HIBADH: variants seen among roughly 807,000 people sequenced by gnomAD.
HIBADH encodes 3-hydroxyisobutyrate dehydrogenase.
A neutral mutation model predicts 36.1 loss-of-function variants in HIBADH; 25 were observed. That is an observed-to-expected ratio of 0.69 (90% confidence interval 0.50 to 0.97). The LOEUF (loss-of-function observed/expected upper bound fraction) is 0.97. Among genes scored for constraint, HIBADH ranks in the 50% least tolerant of loss-of-function variants. The pLI is 0.00. For synonymous variants in HIBADH, 160 were observed against 149.5 expected, an observed-to-expected ratio of 1.07 and a Z score of -0.51; for missense variants, 421 against 418.0, an observed-to-expected ratio of 1.01 and a Z score of -0.06.
At position 27,628,864 on chromosome 7, in the gene HIBADH, T is replaced by A. The variant is rs973195076; in HGVS notation, c.484+507A>T. Among the ~76,000 whole-genome samples the A allele has an allele frequency of 4.6e-5, 7 of 152,076 alleles. No homozygotes were observed. In the South Asian group the frequency reaches 1.4e-3, roughly 31 times the overall value. On this transcript the variant is annotated intron_variant, in intron 4 of 7. Coordinates refer to ENST00000265395, the MANE Select transcript of HIBADH (RefSeq NM_152740.4). Reference sequence around the variant, plus strand: ...GGTGTAAATATCAGAGTTATAAAGGTCTTACAGAATGAATTGGGAAGTATT... The same window carrying A: ...GGTGTAAATATCAGAGTTATAAAGGACTTACAGAATGAATTGGGAAGTATT...
At chr7:27,596,063 T>C (rs1785027765) in intron 4 of HIBADH, among the ~76,000 whole-genome samples, 2 of 152,180 alleles carry the variant, frequency 1.3e-5, no homozygotes, top group Admixed American at 1.3e-4. Flanking sequence ...ACAAAACATC[T>C]GACACTGGGT....
chr7:27,635,333 T>TA (rs1230983061), intron 2 of HIBADH, among the ~76,000 whole-genome samples: 1 of 152,118 alleles, frequency 6.6e-6, no homozygotes, highest in African/African-American at 2.4e-5. Context: ...CCAAACTAAT[T>TA]AGAGTCCTTC....
intron 1 of HIBADH, among the ~76,000 whole-genome samples, chr7:27,656,900 GTAA>G (rs1221153535): frequency 6.6e-6 from 1 of 152,206 alleles, no homozygotes. Context: ...AGTGGACTGT[GTAA>G]AGGTAAACAG....
At chr7:27,593,879 AT>A (rs1355827158) in intron 4 of HIBADH, among the ~76,000 whole-genome samples, 2 of 151,034 alleles carry the variant, frequency 1.3e-5, no homozygotes, top group Non-Finnish European at 3.0e-5. Context: ...ATCGATGGAA[AT>A]TTTTTTTTAA....
At chr7:27,587,505 T>C (rs530256228) in intron 4 of HIBADH, among the ~76,000 whole-genome samples, 1 of 152,180 alleles carries the variant, frequency 6.6e-6, no homozygotes, top group Non-Finnish European at 1.5e-5. Flanking sequence ...TACTTTTAAA[T>C]AAAAAGAAAA....
chr7:27,647,829 G>A (rs1786101196), intron 2 of HIBADH: 1 of 218,460 alleles, frequency 4.6e-6, no homozygotes, highest in Non-Finnish European at 1.1e-5. Context: ...GATCATTACA[G>A]TCGTTCCACA....
At position 27,600,660 on chromosome 7, in the gene HIBADH, T is replaced by C. The variant is rs139211143; in HGVS notation, c.484+28711A>G. Among the ~76,000 whole-genome samples, 214 of 152,198 alleles carry C rather than the reference T, an allele frequency of 1.4e-3. 1 individual carries two copies. Among genetic ancestry groups the C allele is most frequent in the African/African-American group, 4.9e-3 (205 of 41,542 alleles). Reference sequence around the variant, plus strand: ...GCATTTCTAGAAACAATTTAGTATATAACGAGCCAGGAATCTTTAGAATAA... The same window carrying C: ...GCATTTCTAGAAACAATTTAGTATACAACGAGCCAGGAATCTTTAGAATAA... On this transcript the variant is annotated intron_variant, in intron 4 of 7. Transcript: ENST00000265395.
intron 4 of HIBADH, among the ~76,000 whole-genome samples, chr7:27,622,532 A>G (rs1054593124): frequency 3.9e-5 from 6 of 152,174 alleles, no homozygotes; most frequent in African/African-American, 1.4e-4. Context: ...TTGATAAACC[A>G]TTGGCTAGTT....
chr7:27,550,051 G>A lies in HIBADH; in HGVS notation c.485-6951C>T, dbSNP rs542845298. 3.5e-3 allele frequency among the ~76,000 whole-genome samples: 530 copies of A among 152,166 alleles called. 3 individuals are homozygous for A. Among genetic ancestry groups the A allele is most frequent in the Non-Finnish European group, 6.4e-3 (436 of 67,994 alleles). The stretch of plus-strand genomic sequence containing the variant: ...GCCTCCCGAGTAGCTGGGACTATGG[G>A]CGCGTGCCACCACACCTAGCTAAAT... On this transcript the variant is annotated intron_variant, in intron 4 of 7. Coordinates refer to ENST00000265395, the MANE Select transcript of HIBADH (RefSeq NM_152740.4).
chr7:27,572,147 C>G (rs557321575), intron 4 of HIBADH, among the ~76,000 whole-genome samples: 1 of 152,294 alleles, frequency 6.6e-6, no homozygotes, highest in African/African-American at 2.4e-5. Flanking sequence ...TCCAGAGCCC[C>G]TGTTTTCTGG....
intron 4 of HIBADH, among the ~76,000 whole-genome samples, chr7:27,558,741 A>G (rs1392779013): frequency 1.3e-5 from 2 of 152,214 alleles, no homozygotes; most frequent in African/African-American, 4.8e-5. Context: ...TTTAGTCTAT[A>G]AAATCTCTTC....
chr7:27,614,240 A>C (rs1018451225), intron 4 of HIBADH, among the ~76,000 whole-genome samples: 3 of 152,190 alleles, frequency 2.0e-5, no homozygotes. Context: ...ATCCCCACTA[A>C]ATTGATCATA....
chr7:27,557,715 G>A (rs1395808114), intron 4 of HIBADH, among the ~76,000 whole-genome samples: 1 of 152,064 alleles, frequency 6.6e-6, no homozygotes, highest in African/African-American at 2.4e-5. Flanking sequence ...TCTTATAAGG[G>A]GGCCTAATCC....
intron 7 of HIBADH, among the ~76,000 whole-genome samples, chr7:27,527,918 G>T (rs4722717): frequency 0.62 from 37,741 of 61,210 alleles, 12,491 homozygotes; most frequent in African/African-American, 0.81. Context: ...CACACCCAGC[G>T]TTTTTTTTTT....
chr7:27,589,353 G>A (rs769047645), intron 4 of HIBADH, among the ~76,000 whole-genome samples: 7 of 152,068 alleles, frequency 4.6e-5, no homozygotes, highest in Admixed American at 2.0e-4. Flanking sequence ...CGAGTAACTA[G>A]AATTTATCCT....
In HIBADH at chr7:27,634,587, G is replaced by A. The variant is rs529193150; in HGVS notation, c.253-2142C>T. 2.6e-5 allele frequency among the ~76,000 whole-genome samples: 4 copies of A among 152,282 alleles called. No homozygotes were observed. The East Asian group carries it at 7.7e-4, about 29-fold the overall frequency. On this transcript the variant is annotated intron_variant, in intron 2 of 7. Transcript: ENST00000265395. ...TTCATCCTACTCTAATAAACACAAT[G>A]CAAAACAATGGCATACTTTCCTTCT...
At position 27,650,849 on chromosome 7, in the gene HIBADH, A is replaced by G. The variant is rs116397713; in HGVS notation, c.92-1216T>C. 8.7e-3 allele frequency among the ~76,000 whole-genome samples: 1,321 copies of G among 152,210 alleles called. 20 individuals are homozygous for G. Among genetic ancestry groups the G allele is most frequent in the African/African-American group, 0.026 (1,063 of 41,508 alleles). The stretch of plus-strand genomic sequence containing the variant: ...TTACAGAGTGGGGAGGCTTTACAGT[A>G]CTATGGAAATAGCGTTAGATGCAAT... On this transcript the variant is annotated intron_variant, in intron 1 of 7. Transcript: ENST00000265395.
intron 4 of HIBADH, among the ~76,000 whole-genome samples, chr7:27,552,283 C>G (rs1784329777): frequency 6.6e-6 from 1 of 152,086 alleles, no homozygotes; most frequent in Non-Finnish European, 1.5e-5. Flanking sequence ...TAGGGGTGAT[C>G]TGGTTTAACA....
intron 1 of HIBADH, among the ~76,000 whole-genome samples, chr7:27,657,969 A>T (rs1333319921): frequency 6.6e-6 from 1 of 152,176 alleles, no homozygotes; most frequent in East Asian, 1.9e-4. Flanking sequence ...CTTACCAAAA[A>T]TGGTCAAGTT....
Sources: allele counts gnomAD v4.1 joint callset (sites outside exome capture counted in the v4.1 genomes callset), GRCh38; gene constraint gnomAD v4.1.1; transcripts MANE v1.5; gene names NCBI Gene and HGNC (gene_info 2026-07-23, HGNC 2026-07-21).